The following DHCR24 variants were observed in gnomAD, a reference collection of about 807,000 sequenced individuals.
DHCR24 encodes 24-dehydrocholesterol reductase.
DHCR24 carries 28 observed loss-of-function variants against 61.2 expected under a neutral mutation model. That is an observed-to-expected ratio of 0.46 (90% CI 0.34 to 0.63). The LOEUF is 0.63. Among genes scored for constraint, DHCR24 ranks in the 20% least tolerant of loss-of-function variants. The pLI is 0.01. For missense variants in DHCR24, 538 were observed against 679.1 expected, an observed-to-expected ratio of 0.79 and a Z score of 2.31; for synonymous variants, 261 against 275.9, an observed-to-expected ratio of 0.95 and a Z score of 0.54.
At chr1:54,865,216 G>T in intron 6 of DHCR24, 87 bp downstream of exon 6, 1 of 1,505,692 alleles carries the variant, frequency 6.6e-7, no homozygotes, top group Non-Finnish European at 9.1e-7. Flanking sequence ...TACCCTGAAG[G>T]GAGAGAGTAT....
chr1:54,854,073 C>T lies in DHCR24; in HGVS notation c.1182G>A (p.Leu394=), dbSNP rs758322352. Residue 394 remains leucine (L), a synonymous_variant, in exon 7 of 9, where the codon CTG becomes CTA. Transcript: ENST00000371269. The part of the protein sequence containing the change: ...VQDMLVPMKC[L]QQALHTFQND... ...TTTGGAAGGTGTGCAGGGCCTGCTGCAGGCACTTCATGGGCACCAGCATGT... is the reference window on the plus strand; with the variant it reads ...TTTGGAAGGTGTGCAGGGCCTGCTGTAGGCACTTCATGGGCACCAGCATGT... The T allele has an allele frequency of 1.9e-6, 3 of 1,613,860 alleles. No individual in the cohort carries two copies. The highest frequency in any genetic ancestry group is 2.5e-6 in the Non-Finnish European group (3 of 1,179,890).
At chr1:54,877,348 T>C (rs1177340228) in intron 2 of DHCR24, among the ~76,000 whole-genome samples, 1 of 151,050 alleles carries the variant, frequency 6.6e-6, no homozygotes, top group East Asian at 2.0e-4. Context: ...TGATTTTTAA[T>C]GTATACATCC....
intron 2 of DHCR24, among the ~76,000 whole-genome samples, chr1:54,880,608 T>C (rs1443200335): frequency 6.6e-6 from 1 of 151,652 alleles, no homozygotes; most frequent in East Asian, 1.9e-4. Context: ...CTATTAAAAA[T>C]ACAAAAATTA....
chr1:54,871,262 G>T lies in DHCR24; in HGVS notation c.876+88C>A. On this transcript the variant is annotated intron_variant, in intron 5 of 8. Coordinates refer to ENST00000371269, the MANE Select transcript of DHCR24 (RefSeq NM_014762.4). ...AGGCAGCAGCCTTGAAGAGGTGGCT[G>T]CCAGGGTCAGGATACGGGAACCGGC... is the stretch of plus-strand genomic sequence containing the variant. 3 of 1,552,082 alleles carry T rather than the reference G, an allele frequency of 1.9e-6. No homozygotes were observed. In the South Asian group the frequency reaches 3.4e-5, roughly 18 times the overall value.
chr1:54,885,749 C>T (rs1445493961), intron 1 of DHCR24, among the ~76,000 whole-genome samples: 1 of 152,074 alleles, frequency 6.6e-6, no homozygotes, highest in Non-Finnish European at 1.5e-5. Context: ...GGGCCACAGG[C>T]GAGTCACATA....
At chr1:54,871,292 TCCTAGCACACTCATG>T in intron 5 of DHCR24, 43 bp downstream of exon 5, 1 of 1,607,380 alleles carries the variant, frequency 6.2e-7, no homozygotes, top group Non-Finnish European at 8.5e-7. Context: ...ACCGGCTCAG[TCCTAGCACACTCATG>T]CCTCCCCAGT....
intron 6 of DHCR24, among the ~76,000 whole-genome samples, chr1:54,862,267 T>C (rs12025718): frequency 0.26 from 40,288 of 152,098 alleles, 5,586 homozygotes; most frequent in East Asian, 0.38. Flanking sequence ...CTGCCTCTCT[T>C]GATAGTGAGC....
intron 8 of DHCR24, among the ~76,000 whole-genome samples, chr1:54,853,124 C>A (rs746640760): frequency 2.0e-5 from 3 of 152,182 alleles, no homozygotes; most frequent in African/African-American, 4.8e-5. Context: ...TAAGCCCACA[C>A]CCATCATCTG....
intron 2 of DHCR24, among the ~76,000 whole-genome samples, chr1:54,879,321 T>TGGG (rs796213626): frequency 8.5e-5 from 1 of 11,734 alleles, no homozygotes; most frequent in Admixed American, 1.4e-3. Context: ...AGACTCCATC[T>TGGG]GAAAAAAAAA....
intron 2 of DHCR24, among the ~76,000 whole-genome samples, chr1:54,878,835 A>G (rs1647049503): frequency 6.6e-6 from 1 of 152,194 alleles, no homozygotes; most frequent in South Asian, 2.1e-4. Flanking sequence ...GAGTATCACA[A>G]TGTCAGAATC....
chr1:54,885,654 G>T (rs536927353), intron 1 of DHCR24, among the ~76,000 whole-genome samples: 4 of 147,042 alleles, frequency 2.7e-5, no homozygotes, highest in African/African-American at 7.3e-5. Flanking sequence ...GTCCAGCTGG[G>T]CCCCTGTTTT....
chr1:54,885,846 A>G (rs1333663467), intron 1 of DHCR24, among the ~76,000 whole-genome samples: 1 of 152,156 alleles, frequency 6.6e-6, no homozygotes, highest in East Asian at 1.9e-4. Flanking sequence ...AGAGCTAGGA[A>G]ACAGGGTGCA....
intron 4 of DHCR24, among the ~76,000 whole-genome samples, chr1:54,872,116 C>T (rs1321454024): frequency 2.0e-5 from 3 of 152,070 alleles, no homozygotes; most frequent in Non-Finnish European, 4.4e-5. Flanking sequence ...CCAGGGAGAG[C>T]GCTAGCACCC....
rs1005512753 is a variant in DHCR24, at chr1:54,852,190, C to A, written c.*43G>T. ...GCCAAGCTTGAGTGAAGGGAAGATG[C>A]CTGACCACTCACACGTGTCTGTCTC... On this transcript the variant is annotated 3_prime_UTR_variant, in exon 9 of 9. Transcript: ENST00000371269. The A allele has an allele frequency of 1.2e-6, 2 of 1,612,632 alleles. No individual in the cohort carries two copies. Among genetic ancestry groups the A allele is most frequent in the Non-Finnish European group, 1.7e-6 (2 of 1,179,258 alleles).
At chr1:54,875,049 G>T in intron 4 of DHCR24, 44 bp downstream of exon 4, 1 of 1,544,240 alleles carries the variant, frequency 6.5e-7, no homozygotes, top group Non-Finnish European at 9.0e-7. Flanking sequence ...GATCCTTAAT[G>T]CCCAGAGCAG....
At chr1:54,886,789 G>A (rs1647100030) in intron 1 of DHCR24, 100 bp downstream of exon 1, 3 of 1,526,810 alleles carry the variant, frequency 2.0e-6, no homozygotes, top group Non-Finnish European at 2.6e-6. Context: ...GGAAGTCCTG[G>A]CCGCCCCCGC....
chr1:54,880,205 C>T (rs1389292916), intron 2 of DHCR24, among the ~76,000 whole-genome samples: 1 of 152,184 alleles, frequency 6.6e-6, no homozygotes, highest in Non-Finnish European at 1.5e-5. Context: ...TTGTGAACAA[C>T]TTTATGTCAA....
chr1:54,876,598 G>A (rs1306602749), intron 2 of DHCR24, among the ~76,000 whole-genome samples: 1 of 151,772 alleles, frequency 6.6e-6, no homozygotes, highest in Non-Finnish European at 1.5e-5. Context: ...AGGTTGCAGT[G>A]AGCCGAGATC....
At chr1:54,865,246 C>T (rs535316052) in intron 6 of DHCR24, 57 bp downstream of exon 6, 34 of 1,580,658 alleles carry the variant, frequency 2.2e-5, no homozygotes, top group East Asian at 1.4e-4. Context: ...GTTAACTGTC[C>T]GGGCTCCCTG....
Sources: allele counts gnomAD v4.1 joint callset (sites outside exome capture counted in the v4.1 genomes callset), GRCh38; gene constraint gnomAD v4.1.1; transcripts MANE v1.5; gene names NCBI Gene and HGNC (gene_info 2026-07-23, HGNC 2026-07-21).